The following CNTN5 variants were observed in gnomAD, a reference collection of about 807,000 sequenced individuals.
CNTN5 encodes contactin-5.
Under a neutral mutation model 129.1 loss-of-function variants are expected in CNTN5, and 77 were observed. The observed-to-expected ratio is 0.60, with a 90% CI of 0.50 to 0.72. The LOEUF (loss-of-function observed/expected upper bound fraction) is 0.72, where lower values mean the gene tolerates loss of function less well. Among genes scored for constraint, CNTN5 ranks in the 30% least tolerant of loss-of-function variants. The probability of loss-of-function intolerance (pLI) is 0.00; values close to 1 mark genes in which losing one functional copy is unlikely to be tolerated. For synonymous variants in CNTN5, 509 were observed against 465.6 expected, an observed-to-expected ratio of 1.09 and a Z score of -1.20; for missense variants, 1,478 against 1,328.8, an observed-to-expected ratio of 1.11 and a Z score of -1.75.
At chr11:99,154,838 A>T (rs1012650665) in intron 1 of CNTN5, among the ~76,000 whole-genome samples, 1 of 151,954 alleles carries the variant, frequency 6.6e-6, no homozygotes, top group East Asian at 1.9e-4. Flanking sequence ...CATGTGCAGA[A>T]CCACCCTACT....
rs1225582381 is a variant in CNTN5, at chr11:99,819,008, TCA to T, written c.56-535_56-534del. On this transcript the variant is annotated intron_variant, in intron 3 of 24. Coordinates refer to ENST00000524871, the MANE Select transcript of CNTN5 (RefSeq NM_014361.4). ...ACACATGTGCTACATTGAACACACCTCATACTACATAATAAATTTTAGTAAAT... is the reference window on the plus strand; with the variant it reads ...ACACATGTGCTACATTGAACACACCTTACTACATAATAAATTTTAGTAAAT... 1.9e-3 allele frequency among the ~76,000 whole-genome samples: 291 copies of T among 152,114 alleles called. 1 individual carries two copies. The East Asian group carries it at 0.042, about 22-fold the overall frequency.
At chr11:99,448,422 C>T (rs1309928159) in intron 2 of CNTN5, among the ~76,000 whole-genome samples, 8 of 152,086 alleles carry the variant, frequency 5.3e-5, no homozygotes, top group Non-Finnish European at 8.8e-5. Flanking sequence ...CACTATTAAT[C>T]ATTAGTTTTT....
chr11:99,488,748 A>G (rs1360811142), intron 2 of CNTN5, among the ~76,000 whole-genome samples: 1 of 152,324 alleles, frequency 6.6e-6, no homozygotes, highest in African/African-American at 2.4e-5. Context: ...CAATCATTTT[A>G]CCAAAACTCC....
intron 17 of CNTN5, among the ~76,000 whole-genome samples, chr11:100,262,474 TAA>T (rs1950219167): frequency 6.6e-6 from 1 of 152,172 alleles, no homozygotes; most frequent in African/African-American, 2.4e-5. Flanking sequence ...CACTGTACTA[TAA>T]AGACACATGA....
intron 2 of CNTN5, among the ~76,000 whole-genome samples, chr11:99,330,099 A>G (rs1460463255): frequency 2.0e-5 from 3 of 150,068 alleles, no homozygotes; most frequent in African/African-American, 7.3e-5. Context: ...AAAAAGGAAA[A>G]GAAGTACATC....
intron 1 of CNTN5, among the ~76,000 whole-genome samples, chr11:99,108,068 T>C (rs1055623210): frequency 3.9e-5 from 6 of 152,062 alleles, no homozygotes. Context: ...GTAAGCTTAA[T>C]TGTCTTATAA....
At chr11:99,423,004 T>A (rs1942967688) in intron 2 of CNTN5, among the ~76,000 whole-genome samples, 1 of 152,124 alleles carries the variant, frequency 6.6e-6, no homozygotes. Flanking sequence ...AATAAGCATG[T>A]AAATAGAATG....
intron 9 of CNTN5, among the ~76,000 whole-genome samples, chr11:100,027,054 TGTTAAGTATTTTCTCTAG>T (rs1460075179): frequency 7.9e-5 from 12 of 152,134 alleles, no homozygotes; most frequent in African/African-American, 2.4e-4. Context: ...GTACTTAACA[TGTTAAGTATTTTCTCTAG>T]GTTTTGAACA....
intron 3 of CNTN5, among the ~76,000 whole-genome samples, chr11:99,608,411 A>G (rs371059452): frequency 9.2e-5 from 14 of 152,154 alleles, no homozygotes; most frequent in African/African-American, 3.4e-4. Flanking sequence ...CAAGGAAAAC[A>G]ATGTTGACCT....
At chr11:99,860,330 T>G (rs190760424) in intron 6 of CNTN5, among the ~76,000 whole-genome samples, 2 of 152,274 alleles carry the variant, frequency 1.3e-5, no homozygotes, top group African/African-American at 4.8e-5. Flanking sequence ...CTTGTCAATT[T>G]TAGCTTATGT....
chr11:99,359,122 T>G (rs866335789), intron 2 of CNTN5, among the ~76,000 whole-genome samples: 3 of 152,210 alleles, frequency 2.0e-5, no homozygotes, highest in Non-Finnish European at 4.4e-5. Flanking sequence ...ATTTAAAACT[T>G]TTCAAAATGT....
intron 3 of CNTN5, among the ~76,000 whole-genome samples, chr11:99,717,252 A>C (rs1211717925): frequency 6.6e-6 from 1 of 152,076 alleles, no homozygotes; most frequent in Non-Finnish European, 1.5e-5. Context: ...AGAATATGTT[A>C]ATCCAAGATT....
At position 100,057,138 on chromosome 11, in the gene CNTN5, ATAAT is replaced by A. The variant is rs575399109; in HGVS notation, c.981-4071_981-4068del. ...ATGATTTTATTATTAATCATGAATA[ATAAT>A]TATACTGATCATTCAGCTCAAAAAG... is the stretch of plus-strand genomic sequence containing the variant. On this transcript the variant is annotated intron_variant, in intron 9 of 24. Coordinates refer to ENST00000524871, the MANE Select transcript of CNTN5 (RefSeq NM_014361.4). 1.4e-3 allele frequency among the ~76,000 whole-genome samples: 204 copies of A among 150,118 alleles called. 2 individuals are homozygous for A. Among genetic ancestry groups the A allele is most frequent in the African/African-American group, 4.8e-3 (197 of 41,244 alleles).
At chr11:99,464,899 G>A (rs1392048362) in intron 2 of CNTN5, among the ~76,000 whole-genome samples, 2 of 152,250 alleles carry the variant, frequency 1.3e-5, no homozygotes, top group South Asian at 2.1e-4. Context: ...GGTAACAACT[G>A]TAGTTAGTTT....
chr11:99,895,391 A>G (rs538234322), intron 6 of CNTN5, among the ~76,000 whole-genome samples: 1 of 152,336 alleles, frequency 6.6e-6, no homozygotes, highest in South Asian at 2.1e-4. Flanking sequence ...ATATCTCCTC[A>G]AGAGACAGTT....
intron 13 of CNTN5, among the ~76,000 whole-genome samples, chr11:100,130,820 A>T (rs1359346546): frequency 1.3e-5 from 2 of 152,098 alleles, no homozygotes; most frequent in Non-Finnish European, 2.9e-5. Flanking sequence ...CACAGGAAGT[A>T]CAGTTTTGGC....
chr11:99,805,957 G>A (rs1450963541), intron 3 of CNTN5, among the ~76,000 whole-genome samples: 2 of 152,174 alleles, frequency 1.3e-5, no homozygotes, highest in Admixed American at 1.3e-4. Context: ...ATCTCAAAAT[G>A]TAGTAAAGAA....
intron 24 of CNTN5, among the ~76,000 whole-genome samples, chr11:100,351,659 AAAAAAAAAAAAAAAAAGC>A: frequency 7.3e-6 from 1 of 137,122 alleles, no homozygotes; most frequent in Non-Finnish European, 1.5e-5. Context: ...AGAGATAGTA[AAAAAAAAAAAAAAAAAGC>A]AAAAATTAGG....
chr11:100,285,159 G>A (rs941088368), intron 18 of CNTN5, among the ~76,000 whole-genome samples: 2 of 152,158 alleles, frequency 1.3e-5, no homozygotes, highest in Admixed American at 6.5e-5. Flanking sequence ...TAATTTAAAT[G>A]AGTTATTACT....
Sources: allele counts gnomAD v4.1 joint callset (sites outside exome capture counted in the v4.1 genomes callset), GRCh38; gene constraint gnomAD v4.1.1; transcripts MANE v1.5; gene names NCBI Gene and HGNC (gene_info 2026-07-23, HGNC 2026-07-21).